Variants in SUGCT observed in about 807,000 individuals in gnomAD.
The protein encoded by SUGCT is succinyl-CoA:glutarate-CoA transferase.
In SUGCT, 41 loss-of-function variants were observed where a neutral mutation model predicts 55.0. The ratio of observed to expected loss-of-function variants is 0.74; its 90% CI spans 0.58 to 0.97. The LOEUF is 0.97. SUGCT is among the 50% of genes least tolerant of loss of function. The pLI, the probability that SUGCT is intolerant of heterozygous loss-of-function variation, is 0.00. For synonymous variants in SUGCT, 187 were observed against 200.4 expected (o/e 0.93, Z 0.56); for missense variants, 568 against 547.8 (o/e 1.04, Z -0.37).
At chr7:40,790,530 T>C (rs1368069139) in intron 13 of SUGCT, among the ~76,000 whole-genome samples, 1 of 152,232 alleles carries the variant, frequency 6.6e-6, no homozygotes, top group East Asian at 1.9e-4. Flanking sequence ...TAAAATGTCT[T>C]TTCTCTGAAG....
intron 6 of SUGCT, among the ~76,000 whole-genome samples, chr7:40,211,729 G>A (rs1019648162): frequency 5.1e-4 from 78 of 152,280 alleles, no homozygotes; most frequent in Middle Eastern, 3.4e-3. Context: ...GGGCTTGTGA[G>A]TGACATGAGT....
the SUGCT span, among the ~76,000 whole-genome samples, chr7:40,875,662 G>A: frequency 6.6e-6 from 1 of 152,178 alleles, no homozygotes; most frequent in East Asian, 1.9e-4. Flanking sequence ...AAGTCTACAA[G>A]TGCATTCCTA....
At chr7:40,837,102 G>T (rs959721072) in intron 13 of SUGCT, among the ~76,000 whole-genome samples, 1 of 152,014 alleles carries the variant, frequency 6.6e-6, no homozygotes, top group African/African-American at 2.4e-5. Flanking sequence ...TCAGCATATG[G>T]TGCTATCAAT....
At chr7:40,595,897 A>G (rs1797987984) in intron 12 of SUGCT, among the ~76,000 whole-genome samples, 1 of 152,200 alleles carries the variant, frequency 6.6e-6, no homozygotes, top group South Asian at 2.1e-4. Context: ...TATTCATCAA[A>G]GTTACTGGTA....
In SUGCT at chr7:40,296,734, T is replaced by C. The variant is rs1794175737; in HGVS notation, c.721-20026T>C. Reference sequence around the variant, plus strand: ...CTGTATAGGCCTCTAGGGTAGTGGTTAGGAAAACCTTAGTCTCTCTTTCGT... The same window carrying C: ...CTGTATAGGCCTCTAGGGTAGTGGTCAGGAAAACCTTAGTCTCTCTTTCGT... On this transcript the variant is annotated intron_variant, in intron 8 of 13. Transcript: ENST00000335693. Among the ~76,000 whole-genome samples, 4 of 151,744 alleles carry C rather than the reference T, an allele frequency of 2.6e-5. No homozygotes were observed. The South Asian group carries it at 8.3e-4, about 32-fold the overall frequency.
intron 12 of SUGCT, among the ~76,000 whole-genome samples, chr7:40,648,765 A>G (rs1029381025): frequency 6.6e-6 from 1 of 152,238 alleles, no homozygotes; most frequent in African/African-American, 2.4e-5. Context: ...AGCTACAAGT[A>G]TGCCAAGGAT....
In SUGCT at chr7:40,829,735, A is replaced by T. The variant is rs369946867; in HGVS notation, c.1154-30581A>T. Among the ~76,000 whole-genome samples, 38 of 151,428 alleles carry T rather than the reference A, an allele frequency of 2.5e-4. No homozygotes were observed. In the East Asian group the frequency reaches 6.1e-3, roughly 24 times the overall value. ...GTTCTCCTCCCTTTCCTCCATTCCTACTCCACAGATGACCATGTCCGGCCC... is the reference window on the plus strand; with the variant it reads ...GTTCTCCTCCCTTTCCTCCATTCCTTCTCCACAGATGACCATGTCCGGCCC... On this transcript the variant is annotated intron_variant, in intron 13 of 13. Transcript: ENST00000335693.
chr7:40,555,086 A>T (rs1277548388), intron 12 of SUGCT, among the ~76,000 whole-genome samples: 1 of 152,192 alleles, frequency 6.6e-6, no homozygotes, highest in Non-Finnish European at 1.5e-5. Context: ...AGTATTTGAC[A>T]TATGATCTCA....
At chr7:40,743,922 T>C (rs954838495) in intron 12 of SUGCT, among the ~76,000 whole-genome samples, 4 of 152,036 alleles carry the variant, frequency 2.6e-5, no homozygotes, top group Admixed American at 6.6e-5. Context: ...TTTTAAAATT[T>C]TTTGAATATA....
At chr7:40,288,943 G>A (rs1223989299) in intron 8 of SUGCT, among the ~76,000 whole-genome samples, 1 of 152,130 alleles carries the variant, frequency 6.6e-6, no homozygotes, top group African/African-American at 2.4e-5. Flanking sequence ...ACAGAAGAAT[G>A]GGCTGATGCT....
chr7:40,487,473 A>G (rs1791444715), intron 11 of SUGCT, among the ~76,000 whole-genome samples: 1 of 151,814 alleles, frequency 6.6e-6, no homozygotes, highest in African/African-American at 2.4e-5. Context: ...AATATTTTAC[A>G]TGTAGTAGAG....
intron 7 of SUGCT, among the ~76,000 whole-genome samples, chr7:40,262,312 C>T (rs894467860): frequency 2.0e-5 from 3 of 152,036 alleles, no homozygotes; most frequent in Admixed American, 2.0e-4. Flanking sequence ...GCATGTTTCT[C>T]TGTAGGTACA....
intron 12 of SUGCT, among the ~76,000 whole-genome samples, chr7:40,661,602 A>G (rs1801303255): frequency 6.6e-6 from 1 of 152,110 alleles, no homozygotes; most frequent in South Asian, 2.1e-4. Flanking sequence ...TTTCTTTTTC[A>G]GTCTGCTGAA....
chr7:40,695,177 T>TTATG (rs1784869560), intron 12 of SUGCT, among the ~76,000 whole-genome samples: 1 of 145,462 alleles, frequency 6.9e-6, no homozygotes, highest in Non-Finnish European at 1.5e-5. Flanking sequence ...TTTTATTTAT[T>TTATG]TATTTATTTA....
rs111684819 is a variant in SUGCT at position 40,241,353 on chromosome 7, C to T, written c.576+3627C>T. On this transcript the variant is annotated intron_variant, in intron 7 of 13. Transcript: ENST00000335693. The stretch of plus-strand genomic sequence containing the variant: ...CAGCACGTTGGGAGGCTGAGGCGGG[C>T]GGATCACTTAAGGTCAGGAGTTCAA... 6.3e-3 allele frequency among the ~76,000 whole-genome samples: 959 copies of T among 151,730 alleles called. 7 individuals carry two copies. Among genetic ancestry groups the T allele is most frequent in the African/African-American group, 0.022 (900 of 41,442 alleles).
At chr7:40,920,323 GA>G in the SUGCT span, among the ~76,000 whole-genome samples, 1 of 152,134 alleles carries the variant, frequency 6.6e-6, no homozygotes, top group African/African-American at 2.4e-5. Flanking sequence ...CTTCTGTGAG[GA>G]AAGTATGCCC....
the SUGCT span, among the ~76,000 whole-genome samples, chr7:40,998,115 C>T: frequency 1.3e-5 from 2 of 152,048 alleles, no homozygotes; most frequent in Admixed American, 1.3e-4. Flanking sequence ...ACCTGTAATC[C>T]CAGCACTCTG....
At chr7:40,325,222 CAT>C (rs1313688260) in intron 9 of SUGCT, among the ~76,000 whole-genome samples, 4 of 125,876 alleles carry the variant, frequency 3.2e-5, no homozygotes, top group Non-Finnish European at 6.6e-5. Context: ...TTCTTAAACA[CAT>C]GTTAAGGATT....
chr7:40,925,264 G>T, the SUGCT span, among the ~76,000 whole-genome samples: 1 of 152,224 alleles, frequency 6.6e-6, no homozygotes, highest in Admixed American at 6.5e-5. Context: ...CACTGAAAAT[G>T]GTTTCTTATC....
Sources: gnomAD v4.1 joint callset for allele counts (sites outside exome capture counted in the v4.1 genomes callset) on GRCh38, gnomAD v4.1.1 for gene constraint, MANE v1.5 for transcripts, NCBI Gene and HGNC (gene_info 2026-07-23, HGNC 2026-07-21) for gene names.